SORBS2: variants seen among roughly 807,000 people sequenced by gnomAD.
SORBS2 encodes the protein sorbin and SH3 domain-containing protein 2.
A neutral mutation model predicts 97.7 loss-of-function variants in SORBS2; 46 were observed. The observed-to-expected ratio is 0.47, with a 90% CI of 0.37 to 0.60. The LOEUF is 0.60. SORBS2 is among the 20% of genes least tolerant of loss of function. The pLI is 0.00. For missense variants in SORBS2, 1,316 were observed against 1,282.3 expected (o/e 1.03, Z -0.40); for synonymous variants, 476 against 473.4 (o/e 1.01, Z -0.07).
intron 2 of SORBS2, among the ~76,000 whole-genome samples, chr4:185,732,340 A>G (rs1427947953): frequency 6.6e-6 from 1 of 152,212 alleles, no homozygotes; most frequent in Non-Finnish European, 1.5e-5. Context: ...GTCAGAGAAG[A>G]GTCACCTATT....
intron 1 of SORBS2, among the ~76,000 whole-genome samples, chr4:185,791,997 A>G (rs952616233): frequency 1.3e-5 from 2 of 152,216 alleles, no homozygotes; most frequent in African/African-American, 4.8e-5. Context: ...CTTCTAAATA[A>G]TGTCCCAATT....
chr4:185,624,294 C>G (rs1230182123), exon 7 of SORBS2: 1 of 1,614,132 alleles, frequency 6.2e-7, no homozygotes, highest in Non-Finnish European at 8.5e-7. Context: ...TTGGGAGAGA[C>G]GGTTTCTTCC....
chr4:185,596,707 G>A (rs1286360502), intron 12 of SORBS2, among the ~76,000 whole-genome samples: 1 of 151,734 alleles, frequency 6.6e-6, no homozygotes, highest in African/African-American at 2.4e-5. Flanking sequence ...GCTAATTTTT[G>A]TATTTTTAGT....
At chr4:185,806,440 T>G (rs1287322637) in intron 1 of SORBS2, among the ~76,000 whole-genome samples, 3 of 418 alleles carry the variant, frequency 7.2e-3, no homozygotes, top group Non-Finnish European at 0.062. Context: ...AATCCTATTT[T>G]TTTTTTTTTT....
intron 1 of SORBS2, among the ~76,000 whole-genome samples, chr4:185,844,878 A>G (rs2099213641): frequency 6.6e-6 from 1 of 152,214 alleles, no homozygotes; most frequent in Non-Finnish European, 1.5e-5. Flanking sequence ...ACACGATTCC[A>G]TTCCATTTAT....
At chr4:185,802,051 A>C (rs1326907184) in intron 1 of SORBS2, among the ~76,000 whole-genome samples, 1 of 152,222 alleles carries the variant, frequency 6.6e-6, no homozygotes, top group Non-Finnish European at 1.5e-5. Flanking sequence ...GCCCCAATTA[A>C]AATACCATTT....
chr4:185,783,357 C>T (rs554571518), intron 1 of SORBS2, among the ~76,000 whole-genome samples: 13 of 152,330 alleles, frequency 8.5e-5, no homozygotes, highest in African/African-American at 2.9e-4. Context: ...TTAGCAACGA[C>T]TACAGTGCTG....
chr4:185,929,841 G>A (rs1447208492), intron 1 of SORBS2, among the ~76,000 whole-genome samples: 1 of 152,096 alleles, frequency 6.6e-6, no homozygotes, highest in Non-Finnish European at 1.5e-5. Context: ...GCCGCAAAGA[G>A]ATTTTTAAAA....
intron 1 of SORBS2, among the ~76,000 whole-genome samples, chr4:185,870,523 C>G (rs1369163595): frequency 6.6e-6 from 1 of 152,230 alleles, no homozygotes; most frequent in Non-Finnish European, 1.5e-5. Context: ...ATATCTGTGT[C>G]TCTAATGAGA....
At chr4:185,851,451 G>A (rs150187880) in intron 1 of SORBS2, among the ~76,000 whole-genome samples, 5 of 152,280 alleles carry the variant, frequency 3.3e-5, no homozygotes, top group African/African-American at 1.2e-4. Context: ...ACAGGAATAA[G>A]CAAGGGGTTG....
chr4:185,851,710 C>T (rs1009706283), intron 1 of SORBS2, among the ~76,000 whole-genome samples: 1 of 152,048 alleles, frequency 6.6e-6, no homozygotes, highest in African/African-American at 2.4e-5. Flanking sequence ...CCAGCACGGC[C>T]AGAATAAAAA....
intron 14 of SORBS2, 46 bp from the exon 27 acceptor site, chr4:185,587,734 G>A: frequency 7.0e-7 from 1 of 1,430,286 alleles, no homozygotes; most frequent in Non-Finnish European, 9.9e-7. Flanking sequence ...AACGATATCA[G>A]TTCATACACA....
At chr4:185,622,180 T>C (rs1045588216) in intron 7 of SORBS2, among the ~76,000 whole-genome samples, 1 of 152,228 alleles carries the variant, frequency 6.6e-6, no homozygotes, top group African/African-American at 2.4e-5. Context: ...AAGTTATCTA[T>C]GAAAATAGAG....
chr4:185,624,573 GT>G, intron 6 of SORBS2, 79 bp from the exon 19 acceptor site: 2 of 1,433,060 alleles, frequency 1.4e-6, no homozygotes, highest in Non-Finnish European at 9.3e-7. Flanking sequence ...GAGCATGTCA[GT>G]AAAGCATCAG....
At chr4:185,726,513 C>T (rs896619009) in intron 2 of SORBS2, among the ~76,000 whole-genome samples, 3 of 151,994 alleles carry the variant, frequency 2.0e-5, no homozygotes, top group African/African-American at 7.2e-5. Flanking sequence ...CCCATTCCCC[C>T]AAGATACTTA....
chr4:185,653,714 G>A (rs376805999), intron 1 of SORBS2, among the ~76,000 whole-genome samples: 9 of 152,060 alleles, frequency 5.9e-5, no homozygotes, highest in Non-Finnish European at 1.3e-4. Flanking sequence ...ATGAATGAAC[G>A]TAGCCTATTG....
At chr4:185,659,572 A>G (rs1167825476), upstream of SORBS2, among the ~76,000 whole-genome samples, 1 of 142,162 alleles carries the variant, frequency 7.0e-6, no homozygotes, top group South Asian at 2.4e-4. Flanking sequence ...GCCCGCCATC[A>G]CGCCCAGCTA....
intron 13 of SORBS2, chr4:185,593,593 C>T: frequency 2.8e-6 from 1 of 356,720 alleles, no homozygotes; most frequent in Non-Finnish European, 5.0e-6. Context: ...GTTACACAGC[C>T]AGCAGAGCAG....
chr4:185,902,309 T>C (rs999417865), intron 1 of SORBS2, among the ~76,000 whole-genome samples: 2 of 152,088 alleles, frequency 1.3e-5, no homozygotes, highest in Non-Finnish European at 1.5e-5. Context: ...TTTTCTAGTA[T>C]ATTAGGATGA....
Sources: gnomAD v4.1 joint callset for allele counts (sites outside exome capture counted in the v4.1 genomes callset) on GRCh38, gnomAD v4.1.1 for gene constraint, MANE v1.5 for transcripts, NCBI Gene and HGNC (gene_info 2026-07-23, HGNC 2026-07-21) for gene names.